The following PSMD6 variants were observed in gnomAD, a reference collection of about 807,000 sequenced individuals.
PSMD6 encodes the protein proteasome 26S subunit, non-ATPase 6.
PSMD6 carries 7 observed loss-of-function variants against 44.9 expected under a neutral mutation model. The observed-to-expected ratio is 0.16, with a 90% CI of 0.09 to 0.29. The LOEUF is 0.29. Among genes scored for constraint, PSMD6 ranks in the 10% least tolerant of loss-of-function variants. The pLI is 1.00. For synonymous variants in PSMD6, 184 were observed against 172.7 expected (o/e 1.07, Z -0.51); for missense variants, 420 against 482.6 (o/e 0.87, Z 1.21).
intron 1 of PSMD6, chr3:64,023,040 G>A (rs1352278788): frequency 7.0e-7 from 1 of 1,427,706 alleles, no homozygotes; most frequent in South Asian, 1.5e-5. Context: ...TCTCCCCCAA[G>A]CTGCCCTTAC....
intron 6 of PSMD6, chr3:64,013,007 G>C (rs2075986166): frequency 6.5e-6 from 1 of 154,450 alleles, no homozygotes; most frequent in African/African-American, 2.4e-5. Flanking sequence ...ACTGATGCAA[G>C]TACTAAAAGT....
chr3:64,010,589 A>AC lies in PSMD6; in HGVS notation c.*78dup. The AC allele has an allele frequency of 2.9e-6, 3 of 1,041,790 alleles. No homozygotes were observed. Among genetic ancestry groups the AC allele is most frequent in the Non-Finnish European group, 4.2e-6 (3 of 709,496 alleles). 64.5% of individuals were successfully genotyped at this position (1,041,790 alleles called of 1,614,324 possible). ...ATGCAGTATTTATTTTATACAGCTG[A>AC]CCTGGGCACATTGTGAAGTAAGCTA... On this transcript the variant is annotated 3_prime_UTR_variant, in exon 8 of 8. Coordinates refer to ENST00000295901, the MANE Select transcript of PSMD6 (RefSeq NM_014814.3).
At chr3:64,015,303 A>G (rs1011705425) in intron 5 of PSMD6, 2 of 152,202 alleles carry the variant, frequency 1.3e-5, no homozygotes, top group Non-Finnish European at 2.9e-5. Flanking sequence ...AACCTTTGGA[A>G]AGTTCAATTT....
intron 5 of PSMD6, chr3:64,015,155 G>C (rs1379775119): frequency 6.6e-6 from 1 of 152,170 alleles, no homozygotes; most frequent in Non-Finnish European, 1.5e-5. Context: ...AATTATTTCT[G>C]TCCTCTCAGA....
At chr3:64,018,403 T>C in intron 5 of PSMD6, 196 bp downstream of exon 5, 2 of 476,232 alleles carry the variant, frequency 4.2e-6, no homozygotes, top group Non-Finnish European at 3.8e-6. Context: ...TCTTACCTCC[T>C]GGGCCATACA....
upstream of PSMD6, chr3:64,023,537 T>A (rs371089272): frequency 1.2e-5 from 17 of 1,399,950 alleles, no homozygotes; most frequent in African/African-American, 1.0e-4. Flanking sequence ...TCCGGTCCCG[T>A]CTCCGCCGGC....
At chr3:64,013,718 A>C (rs1344671185) in intron 5 of PSMD6, 111 bp from the exon 6 acceptor site, 2 of 958,872 alleles carry the variant, frequency 2.1e-6, no homozygotes, top group African/African-American at 3.4e-5. Context: ...ACAAGTATCA[A>C]ATTTCTCACT....
chr3:64,019,729 T>C (rs1267602006), intron 2 of PSMD6: 2 of 319,394 alleles, frequency 6.3e-6, no homozygotes, highest in Non-Finnish European at 1.1e-5. Flanking sequence ...GTTAAGTATT[T>C]TTCTCTGTTC....
chr3:64,018,882 G>A lies in PSMD6; in HGVS notation c.653C>T (p.Thr218Ile). The change falls in exon 4 of 8, where the codon ACA becomes ATA. Residue 218 changes from threonine to isoleucine, a missense_variant. Physicochemically the swap from Thr to Ile is moderately conservative, Grantham distance 89. This residue lies in a region of PSMD6 where 216 missense variants were observed against 227.0 expected (regional missense o/e 0.95). Coordinates refer to ENST00000295901, the MANE Select transcript of PSMD6 (RefSeq NM_014814.3). ...GACATAGACAGTATAAGTCACAAATGTTTTATAATCCATGAGTTCATAGGA... is the reference window on the plus strand; with the variant it reads ...GACATAGACAGTATAAGTCACAAATATTTTATAATCCATGAGTTCATAGGA... ...FTSYELMDYK[T>I]FVTYTVYVSM... 6.3e-7 allele frequency: 1 copy of A among 1,598,844 alleles called. No individual in the cohort carries two copies. The highest frequency in any genetic ancestry group is 8.6e-7 in the Non-Finnish European group (1 of 1,166,164).
chr3:64,017,406 T>C (rs1326947048), intron 5 of PSMD6: 1 of 152,148 alleles, frequency 6.6e-6, no homozygotes, highest in African/African-American at 2.4e-5. Flanking sequence ...CTCAATTTTT[T>C]TGAAGGAGGG....
chr3:64,019,620 T>A, intron 2 of PSMD6, 179 bp from the exon 3 acceptor site: 1 of 543,460 alleles, frequency 1.8e-6, no homozygotes, highest in Non-Finnish European at 3.1e-6. Flanking sequence ...TTTATTATTC[T>A]ACTTTCTCTA....
chr3:64,010,592 T>G lies in PSMD6; in HGVS notation c.*76A>C. On this transcript the variant is annotated 3_prime_UTR_variant, in exon 8 of 8. Transcript: ENST00000295901. ...CAGTATTTATTTTATACAGCTGACCTGGGCACATTGTGAAGTAAGCTATAA... is the reference window on the plus strand; with the variant it reads ...CAGTATTTATTTTATACAGCTGACCGGGGCACATTGTGAAGTAAGCTATAA... 2 of 1,081,850 alleles carry G rather than the reference T, an allele frequency of 1.8e-6. No individual in the cohort carries two copies. The highest frequency in any genetic ancestry group is 2.7e-6 in the Non-Finnish European group (2 of 742,376). The allele number at this position is 1,081,850 out of a possible 1,614,324, so 67.0% of individuals were successfully genotyped here.
chr3:64,013,741 C>G, intron 5 of PSMD6, 134 bp from the exon 6 acceptor site: 1 of 762,146 alleles, frequency 1.3e-6, no homozygotes, highest in East Asian at 3.1e-5. Context: ...CCTTCCACAT[C>G]ATGTCATCAA....
At position 64,019,067 on chromosome 3, in the gene PSMD6, C is replaced by T. The variant is rs774301078; in HGVS notation, c.498-30G>A. The T allele has an allele frequency of 2.6e-6, 4 of 1,557,248 alleles. No individual in the cohort carries two copies. The Admixed American group carries it at 6.9e-5, about 27-fold the overall frequency. On this transcript the variant is annotated intron_variant, in intron 3 of 7. Transcript: ENST00000295901. ...GAAATAAAAACAGTAAGATCATAGT[C>T]TGGAAACAGACAAGGCCACGTTTTA...
intron 5 of PSMD6, chr3:64,014,510 CAA>C (rs1216426537): frequency 2.0e-5 from 3 of 151,950 alleles, no homozygotes; most frequent in African/African-American, 7.3e-5. Context: ...GTAAATGATA[CAA>C]AAGTCTGAAG....
chr3:64,020,497 A>C (rs920104542), intron 2 of PSMD6, among the ~76,000 whole-genome samples: 2 of 152,210 alleles, frequency 1.3e-5, no homozygotes, highest in Admixed American at 1.3e-4. Context: ...TTTCTCATTC[A>C]TATGTAATAT....
At chr3:64,015,068 A>T (rs1415586055) in intron 5 of PSMD6, 1 of 152,224 alleles carries the variant, frequency 6.6e-6, no homozygotes, top group Non-Finnish European at 1.5e-5. Context: ...TGATTTAGCA[A>T]CATGGAGATC....
intron 5 of PSMD6, chr3:64,015,532 C>A (rs1362769760): frequency 2.6e-5 from 4 of 152,208 alleles, no homozygotes; most frequent in African/African-American, 9.6e-5. Context: ...TGCTGCTATT[C>A]TCAATGTTAG....
chr3:64,018,812 C>A lies in PSMD6; in HGVS notation c.717+6G>T. 1.9e-6 allele frequency: 3 copies of A among 1,564,218 alleles called. No individual in the cohort carries two copies. The South Asian group carries it at 3.4e-5, about 18-fold the overall frequency. ...TTAAATTTGAGTATTAAAGTTTGGT[C>A]ATTACCTTTTCCCTGAGATCTGGTC... On this transcript the variant is annotated splice_donor_region_variant and intron_variant, in intron 4 of 7. Coordinates refer to ENST00000295901, the MANE Select transcript of PSMD6 (RefSeq NM_014814.3).
Sources: gnomAD v4.1 joint callset for allele counts (sites outside exome capture counted in the v4.1 genomes callset) on GRCh38, gnomAD v4.1.1 for gene constraint, gnomAD v4.1.1 regional missense constraint, MANE v1.5 for transcripts, NCBI Gene and HGNC (gene_info 2026-07-23, HGNC 2026-07-21) for gene names.